The following PPP1R9B variants were observed in gnomAD, a reference collection of about 807,000 sequenced individuals.
PPP1R9B encodes the protein protein phosphatase 1 regulatory subunit 9B.
Under a neutral mutation model 75.8 loss-of-function variants are expected in PPP1R9B, and 17 were observed. The observed-to-expected ratio is 0.22, with a 90% CI of 0.15 to 0.34. PPP1R9B has a LOEUF of 0.34. PPP1R9B is among the 10% of genes least tolerant of loss of function. PPP1R9B has a pLI of 1.00. For missense variants in PPP1R9B, 875 were observed against 1,196.0 expected, an observed-to-expected ratio of 0.73 and a Z score of 3.96; for synonymous variants, 509 against 535.4, an observed-to-expected ratio of 0.95 and a Z score of 0.68.
At position 50,135,249 on chromosome 17, in the gene PPP1R9B, G is replaced by A; in HGVS notation, c.*82C>T. On this transcript the variant is annotated 3_prime_UTR_variant, in exon 10 of 10. Coordinates refer to ENST00000612501, the MANE Select transcript of PPP1R9B (RefSeq NM_032595.5). ...GGGCACCTGTCCCCAGGCTGGAAGG[G>A]GGAGGGGTGGGGTGTTGAGGACAGG... The A allele has an allele frequency of 1.7e-6, 2 of 1,201,018 alleles. No individual in the cohort carries two copies. The highest frequency in any genetic ancestry group is 1.2e-5 in the South Asian group (1 of 81,324). The allele number at this position is 1,201,018 out of a possible 1,614,324, so 74.4% of individuals were successfully genotyped here.
In PPP1R9B at chr17:50,150,034, G is replaced by C. The variant is rs557983411; in HGVS notation, c.480C>G (p.Gly160=). The C allele has an allele frequency of 1.8e-5, 27 of 1,469,176 alleles. No homozygotes were observed. In the African/African-American group the frequency reaches 3.8e-4, roughly 21 times the overall value. 91.0% of individuals were successfully genotyped at this position (1,469,176 alleles called of 1,614,324 possible). A position where few individuals can be genotyped will look rare whatever the true frequency, so the allele number is the denominator to read the frequency against. ...LFERSAPAAA[G]GDKEAAARRL... is the part of the protein sequence containing the mutation. ...GCCGCGCCGCGGCCTCCTTGTCGCCGCCTGCGGCCGCTGGGGCGCTCCGTT... is the reference window on the plus strand; with the variant it reads ...GCCGCGCCGCGGCCTCCTTGTCGCCCCCTGCGGCCGCTGGGGCGCTCCGTT... The change falls in exon 1 of 10, where the codon GGC becomes GGG. Residue 160 remains glycine, a synonymous_variant. Transcript: ENST00000612501. The surrounding 1 kb of genome is among the most constrained non-coding windows in gnomAD (Gnocchi z 8.7).
In PPP1R9B at chr17:50,149,133, G is replaced by A. The variant is rs748204450; in HGVS notation, c.1371+10C>T. On this transcript the variant is annotated intron_variant, in intron 1 of 9. Transcript: ENST00000612501. This position sits in a 1 kb window ranked among gnomAD's most constrained non-coding sequence, Gnocchi z 7.2. Reference sequence around the variant, plus strand: ...GGCGGCGCGGGGGCAGGGCGGGGGGGCTCACTTACTTGGATGGGCGCCGTG... The same window carrying A: ...GGCGGCGCGGGGGCAGGGCGGGGGGACTCACTTACTTGGATGGGCGCCGTG... 15 of 1,422,486 alleles carry A rather than the reference G, an allele frequency of 1.1e-5. No individual in the cohort carries two copies. Among genetic ancestry groups the A allele is most frequent in the Admixed American group, 5.3e-5 (2 of 37,478 alleles). 88.1% of individuals were successfully genotyped at this position (1,422,486 alleles called of 1,614,324 possible). A position where few individuals can be genotyped will look rare whatever the true frequency, so the allele number is the denominator to read the frequency against.
chr17:50,135,360 G>T lies in PPP1R9B; in HGVS notation c.2425C>A (p.Gln809Lys). 6.2e-7 allele frequency: 1 copy of T among 1,613,616 alleles called. No homozygotes were observed. The highest frequency in any genetic ancestry group is 8.5e-7 in the Non-Finnish European group (1 of 1,179,666). The part of the protein sequence containing the change: ...DKISELEGNL[Q>K]TLRNSNST ...GTAGAATTGGAATTCCTCAGTGTTT[G>T]CAAGTTTCCTTCCAGTTCTGAGATC... Residue 809 changes from glutamine (Q) to lysine (K), a missense_variant, in exon 10 of 10, where the codon CAA (glutamine) becomes AAA (lysine). By Grantham distance (53) the Gln-to-Lys change is moderately conservative. Coordinates refer to ENST00000612501, the MANE Select transcript of PPP1R9B (RefSeq NM_032595.5).
intron 1 of PPP1R9B, among the ~76,000 whole-genome samples, chr17:50,145,499 A>G (rs1438159117): frequency 2.0e-5 from 3 of 152,198 alleles, no homozygotes; most frequent in Admixed American, 2.0e-4. Context: ...TGTAGCTCCA[A>G]CCAGCGTGAG....
In PPP1R9B at chr17:50,149,774, C is replaced by G; in HGVS notation, c.740G>C (p.Arg247Pro). The G allele has an allele frequency of 9.2e-6, 13 of 1,410,070 alleles. No individual in the cohort carries two copies. Among genetic ancestry groups the G allele is most frequent in the Non-Finnish European group, 1.2e-5 (13 of 1,090,642 alleles). The allele number at this position is 1,410,070 out of a possible 1,614,324, so 87.3% of individuals were successfully genotyped here. ...CGGCGGGGGCTGGAACACCCGGGAC[C>G]GCTTGCTGACCAGCTTCGAGTTGAC... ...PQVNSKLVSK[R>P]SRVFQPPPPP... The change falls in exon 1 of 10, where the codon CGG (arginine) becomes CCG (proline). Residue 247 changes from arginine to proline, a missense_variant. Transcript: ENST00000612501. The surrounding 1 kb of genome is among the most constrained non-coding windows in gnomAD (Gnocchi z 7.2).
At position 50,150,092 on chromosome 17, in the gene PPP1R9B, G is replaced by A. The variant is rs1423988051; in HGVS notation, c.422C>T (p.Pro141Leu). The A allele has an allele frequency of 2.9e-6, 4 of 1,399,474 alleles. No homozygotes were observed. Among genetic ancestry groups the A allele is most frequent in the Non-Finnish European group, 3.7e-6 (4 of 1,082,412 alleles). The allele number at this position is 1,399,474 out of a possible 1,614,324, so 86.7% of individuals were successfully genotyped here. A position where few individuals can be genotyped will look rare whatever the true frequency, so the allele number is the denominator to read the frequency against. ...CTTCCGCGTCTCCTGCAGCCGGGAC[G>A]GCGGGTGCGGCGGCGGCGCAGGCTG... ...SAQPAPPPHPPSRLQETRKLF... is the reference protein window; with the variant it reads ...SAQPAPPPHPLSRLQETRKLF... The change falls in exon 1 of 10, where the codon CCG (proline) becomes CTG (leucine). Residue 141 changes from proline (P) to leucine (L), a missense_variant. Pro to Leu is a moderately conservative substitution (Grantham distance 98). Transcript: ENST00000612501. This position sits in a 1 kb window ranked among gnomAD's most constrained non-coding sequence, Gnocchi z 8.7.
chr17:50,147,948 G>A (rs923431906), intron 1 of PPP1R9B, among the ~76,000 whole-genome samples: 8 of 152,200 alleles, frequency 5.3e-5, no homozygotes, highest in Non-Finnish European at 8.8e-5. Flanking sequence ...AACAGATGGT[G>A]CTTTGGCTAG....
In PPP1R9B at chr17:50,134,105, T is replaced by G. The variant is rs1912143905; in HGVS notation, c.*1226A>C. ...TTTAAAAAATGAACAAAAACCCAGT[T>G]AGGGCAGGGGCATGAAGTGGCAAAA... On this transcript the variant is annotated 3_prime_UTR_variant, in exon 10 of 10. Transcript: ENST00000612501. The G allele has an allele frequency of 6.6e-6, 1 of 152,306 alleles. No individual in the cohort carries two copies. Among genetic ancestry groups the G allele is most frequent in the Non-Finnish European group, 1.5e-5 (1 of 68,008 alleles). 9.4% of individuals were successfully genotyped at this position (152,306 alleles called of 1,614,324 possible). A position where few individuals can be genotyped will look rare whatever the true frequency, so the allele number is the denominator to read the frequency against.
At chr17:50,138,218 C>T (rs899471460) in intron 7 of PPP1R9B, among the ~76,000 whole-genome samples, 8 of 149,772 alleles carry the variant, frequency 5.3e-5, no homozygotes, top group African/African-American at 1.5e-4. Context: ...CATCTGGGGT[C>T]GGCATCAGCA....
chr17:50,135,791 T>A (rs1315144670), intron 8 of PPP1R9B, 142 bp from the exon 9 acceptor site: 2 of 885,974 alleles, frequency 2.3e-6, no homozygotes, highest in Non-Finnish European at 3.5e-6. Context: ...TCCCAAAGCC[T>A]CTGGGGGTCT....
Position 50,141,290 on chromosome 17 carries a change from C to T in PPP1R9B, c.1709G>A (p.Arg570Gln), listed in dbSNP as rs749764019. The change falls in exon 4 of 10, where the codon CGG (arginine) becomes CAG (glutamine). Residue 570 changes from arginine to glutamine, a missense_variant. By Grantham distance (43) the Arg-to-Gln change is conservative. This residue lies in a region of PPP1R9B where 218 missense variants were observed against 334.6 expected (regional missense o/e 0.65). Coordinates refer to ENST00000612501, the MANE Select transcript of PPP1R9B (RefSeq NM_032595.5). ...VTQSFAASVLRNTKGRVRFMI... is the reference protein window; with the variant it reads ...VTQSFAASVLQNTKGRVRFMI... ...TCACCGCACTCGGCCCTTGGTGTTC[C>T]GGAGCACAGACGCCGCGAAGCTCTG... is the stretch of plus-strand genomic sequence containing the variant. 7 of 1,586,456 alleles carry T rather than the reference C, an allele frequency of 4.4e-6. No individual in the cohort carries two copies. Among genetic ancestry groups the T allele is most frequent in the Non-Finnish European group, 6.0e-6 (7 of 1,167,372 alleles).
chr17:50,148,247 G>C (rs1177544138), intron 1 of PPP1R9B, among the ~76,000 whole-genome samples: 1 of 152,236 alleles, frequency 6.6e-6, no homozygotes, highest in Non-Finnish European at 1.5e-5. Context: ...GTGGGGATGA[G>C]ACCCCCAAAA....
At chr17:50,141,504 A>C in intron 3 of PPP1R9B, 131 bp from the exon 4 acceptor site, 1 of 559,134 alleles carries the variant, frequency 1.8e-6, no homozygotes, top group Non-Finnish European at 3.1e-6. Flanking sequence ...ACAAACAATA[A>C]AAAGAAAAAT....
At chr17:50,146,858 T>A (rs1199167920) in intron 1 of PPP1R9B, among the ~76,000 whole-genome samples, 2 of 152,130 alleles carry the variant, frequency 1.3e-5, no homozygotes, top group Non-Finnish European at 2.9e-5. Context: ...GTGACTTGGT[T>A]TCCACTGCAC....
chr17:50,139,470 C>T lies in PPP1R9B; in HGVS notation c.1978G>A (p.Val660Met). ...ACCAGCTTCTCGGGCTCCATGTCCA[C>T]AGGGGACAGTGCATCCTCGTTCTCC... The part of the protein sequence containing the change: ...LAENEDALSP[V>M]DMEPEKLVHK... Residue 660 changes from valine (V) to methionine (M), a missense_variant, in exon 6 of 10, where the codon GTG becomes ATG. Physicochemically the swap from Val to Met is conservative, Grantham distance 21. Around this residue, in one of 4 missense-constraint regions of PPP1R9B, gnomAD observed 218 missense variants for 334.6 expected, o/e 0.65. Transcript: ENST00000612501. This position sits in a 1 kb window ranked among gnomAD's most constrained non-coding sequence, Gnocchi z 5.0. 2 of 1,605,140 alleles carry T rather than the reference C, an allele frequency of 1.2e-6. No individual in the cohort carries two copies. The highest frequency in any genetic ancestry group is 1.7e-6 in the Non-Finnish European group (2 of 1,174,044).
At chr17:50,136,234 C>A (rs780671604) in intron 7 of PPP1R9B, 37 bp from the exon 8 acceptor site, 1 of 1,553,362 alleles carries the variant, frequency 6.4e-7, no homozygotes, top group Non-Finnish European at 8.7e-7. Flanking sequence ...TTGGTGGGGG[C>A]CAGCAGGAGC....
At chr17:50,143,773 T>C in intron 2 of PPP1R9B, 55 bp from the exon 3 acceptor site, 6 of 1,604,092 alleles carry the variant, frequency 3.7e-6, no homozygotes, top group Non-Finnish European at 5.1e-6. Context: ...GACGAGAGAC[T>C]CTCCACCCCG....
intron 9 of PPP1R9B, 40 bp downstream of exon 9, chr17:50,135,513 C>T (rs147850255): frequency 0.012 from 19,345 of 1,594,136 alleles, 159 homozygotes; most frequent in Non-Finnish European, 0.015. Context: ...CAATGCTGCT[C>T]CCTCCACTGG....
Position 50,137,013 on chromosome 17 carries a change from T to A in PPP1R9B, c.2074-816A>T, listed in dbSNP as rs868143160. ...CTCAGGCCAGTATTTGCTGCAAACATCCCTTGCTCTCTGTCCCCCAGCCAC... is the reference window on the plus strand; with the variant it reads ...CTCAGGCCAGTATTTGCTGCAAACAACCCTTGCTCTCTGTCCCCCAGCCAC... On this transcript the variant is annotated intron_variant, in intron 7 of 9. Transcript: ENST00000612501. Among the ~76,000 whole-genome samples the A allele has an allele frequency of 1.3e-4, 20 of 152,196 alleles. 1 individual carries two copies. Among genetic ancestry groups the A allele is most frequent in the African/African-American group, 4.8e-4 (20 of 41,522 alleles).
Sources: gnomAD v4.1 joint callset for allele counts (sites outside exome capture counted in the v4.1 genomes callset) on GRCh38, gnomAD v4.1.1 for gene constraint, gnomAD v4.1.1 regional missense constraint, Gnocchi (gnomAD v3.1) non-coding constraint, MANE v1.5 for transcripts, NCBI Gene and HGNC (gene_info 2026-07-23, HGNC 2026-07-21) for gene names.